TNS1: variants seen among roughly 807,000 people sequenced by gnomAD.
TNS1 encodes the protein tensin-1.
Under a neutral mutation model 168.6 loss-of-function variants are expected in TNS1, and 62 were observed. That is an observed-to-expected ratio of 0.37 (90% CI 0.30 to 0.45). The LOEUF is 0.45. Among genes scored for constraint, TNS1 ranks in the 20% least tolerant of loss-of-function variants. TNS1 has a pLI of 1.00. For missense variants in TNS1, 2,240 were observed against 2,339.4 expected, an observed-to-expected ratio of 0.96 and a Z score of 0.88; for synonymous variants, 934 against 933.2, an observed-to-expected ratio of 1.00 and a Z score of -0.02.
At chr2:217,881,662 A>T (rs1472394375) in intron 17 of TNS1, 1 of 152,416 alleles carries the variant, frequency 6.6e-6, no homozygotes, top group Admixed American at 6.5e-5. Context: ...GCAGCAAACC[A>T]CCATGGCACA....
In TNS1 at chr2:217,804,474, G is replaced by A. The variant is rs61742392; in HGVS notation, c.5505C>T (p.Ala1835=). Residue 1835 remains alanine, a synonymous_variant, in exon 33 of 33, where the codon GCC becomes GCT. Transcript: ENST00000682258. ...VNFVSKVMLN[A]GQKR Reference sequence around the variant, plus strand: ...GGGGCAGGGTTCATCTCTTTTGGCCGGCATTCAGCATGACCTTGGAGACGA... The same window carrying A: ...GGGGCAGGGTTCATCTCTTTTGGCCAGCATTCAGCATGACCTTGGAGACGA... 405 of 1,614,130 alleles carry A rather than the reference G, an allele frequency of 2.5e-4. 2 individuals carry two copies. The highest frequency in any genetic ancestry group is 2.9e-4 in the South Asian group (26 of 91,070).
At chr2:217,900,327 T>C in intron 7 of TNS1, 136 bp downstream of exon 7, 1 of 983,750 alleles carries the variant, frequency 1.0e-6, no homozygotes, top group Non-Finnish European at 1.5e-6. Flanking sequence ...TCCTGTGCCT[T>C]TCACGTTTGC....
chr2:217,981,751 T>G (rs1160535034), intron 2 of TNS1, among the ~76,000 whole-genome samples: 3 of 152,226 alleles, frequency 2.0e-5, no homozygotes, highest in African/African-American at 7.2e-5. Context: ...CCTATCCACC[T>G]GTCTCACATA....
intron 3 of TNS1, among the ~76,000 whole-genome samples, chr2:217,966,768 C>G (rs772398232): frequency 6.6e-6 from 1 of 152,196 alleles, no homozygotes; most frequent in Non-Finnish European, 1.5e-5. Context: ...CATGAAGTCA[C>G]AGCTGTGGGG....
At chr2:217,999,471 C>T (rs1340233741) in intron 1 of TNS1, among the ~76,000 whole-genome samples, 1 of 152,222 alleles carries the variant, frequency 6.6e-6, no homozygotes, top group Non-Finnish European at 1.5e-5. Flanking sequence ...GCATTGCACT[C>T]TCGGCCAGCA....
chr2:218,006,532 G>C (rs544323940), upstream of TNS1, among the ~76,000 whole-genome samples: 1 of 152,248 alleles, frequency 6.6e-6, no homozygotes, highest in Non-Finnish European at 1.5e-5. Context: ...GAAGGTAACA[G>C]AGCATTTTAA....
intron 17 of TNS1, chr2:217,881,345 G>C (rs1950665849): frequency 4.0e-6 from 1 of 250,340 alleles, no homozygotes. Flanking sequence ...TGGGGCTCCT[G>C]AGGCAGTGCC....
chr2:217,832,984 C>T (rs1016557401), intron 21 of TNS1, among the ~76,000 whole-genome samples: 11 of 152,156 alleles, frequency 7.2e-5, no homozygotes, highest in African/African-American at 1.9e-4. Flanking sequence ...TTTCTACCAC[C>T]GCCACACCCC....
chr2:217,935,651 T>G (rs1308960641), intron 3 of TNS1, among the ~76,000 whole-genome samples: 3 of 152,142 alleles, frequency 2.0e-5, no homozygotes, highest in Non-Finnish European at 4.4e-5. Flanking sequence ...CCCCTCCCAC[T>G]CTGGGCAGTT....
chr2:217,923,509 C>T (rs1191571100), intron 3 of TNS1, among the ~76,000 whole-genome samples: 2 of 152,164 alleles, frequency 1.3e-5, no homozygotes, highest in African/African-American at 4.8e-5. Flanking sequence ...CACATAGAGG[C>T]TAATGAGTTG....
At position 217,849,078 on chromosome 2, in the gene TNS1, C is replaced by T; in HGVS notation, c.1439G>A (p.Gly480Glu). 6.2e-7 allele frequency: 1 copy of T among 1,610,362 alleles called. No homozygotes were observed. Among genetic ancestry groups the T allele is most frequent in the Non-Finnish European group, 8.5e-7 (1 of 1,177,926 alleles). Residue 480 changes from glycine to glutamate, a missense_variant, in exon 19 of 33, where the codon GGA becomes GAA. Physicochemically the swap from Gly to Glu is moderately conservative, Grantham distance 98. Coordinates refer to ENST00000682258, the MANE Select transcript of TNS1 (RefSeq NM_001387777.1). ...HRDDGMEEVV[G>E]HTQGPLDGSL... is the part of the protein sequence containing the mutation. ...CCCATCTAGTGGCCCCTGCGTGTGT[C>T]CCACCACCTCTGCAAGGGACAGAGC...
chr2:217,858,166 A>G (rs1473663950), intron 18 of TNS1, among the ~76,000 whole-genome samples: 1 of 151,896 alleles, frequency 6.6e-6, no homozygotes, highest in Non-Finnish European at 1.5e-5. Context: ...CGCGCACAAG[A>G]CGAACCGTTA....
At position 217,813,155 on chromosome 2, in the gene TNS1, C is replaced by G; in HGVS notation, c.4954+60G>C. ...ACTTGGGGTCAGACCCCTGGAGGAA[C>G]CCAGGACAGGACCAAGACTCAGGCC... On this transcript the variant is annotated intron_variant, in intron 27 of 32. Transcript: ENST00000682258. This position sits in a 1 kb window ranked among gnomAD's most constrained non-coding sequence, Gnocchi z 4.0. 7.6e-7 allele frequency: 1 copy of G among 1,322,462 alleles called. No homozygotes were observed. The highest frequency in any genetic ancestry group is 1.1e-6 in the Non-Finnish European group (1 of 934,292). 81.9% of individuals were successfully genotyped at this position (1,322,462 alleles called of 1,614,324 possible). A position where few individuals can be genotyped will look rare whatever the true frequency, so the allele number is the denominator to read the frequency against.
At position 217,813,549 on chromosome 2, in the gene TNS1, G is replaced by T; in HGVS notation, c.4861+136C>A. 1 of 1,336,610 alleles carries T rather than the reference G, an allele frequency of 7.5e-7. No individual in the cohort carries two copies. The highest frequency in any genetic ancestry group is 1.0e-6 in the Non-Finnish European group (1 of 981,298). The allele number at this position is 1,336,610 out of a possible 1,614,324, so 82.8% of individuals were successfully genotyped here. On this transcript the variant is annotated intron_variant, in intron 26 of 32. Transcript: ENST00000682258. The surrounding 1 kb of genome is among the most constrained non-coding windows in gnomAD (Gnocchi z 4.0). ...AATCTCTGACCTCAACCATCACCAA[G>T]CCCAAGACACCCTCTTCCGAAGAGC...
At chr2:217,947,605 G>A (rs933339448) in intron 3 of TNS1, among the ~76,000 whole-genome samples, 12 of 152,260 alleles carry the variant, frequency 7.9e-5, no homozygotes, top group South Asian at 4.2e-4. Context: ...TGTGTGTGTC[G>A]GGGCCAGGTG....
intron 3 of TNS1, chr2:217,937,179 C>T (rs879679662): frequency 2.3e-5 from 5 of 216,838 alleles, no homozygotes; most frequent in Non-Finnish European, 3.8e-5. Context: ...ACTCTGTCTA[C>T]TCCCCTACTC....
chr2:217,893,095 A>G (rs1951901437), intron 10 of TNS1, 83 bp from the exon 11 acceptor site: 1 of 1,547,188 alleles, frequency 6.5e-7, no homozygotes, highest in East Asian at 2.3e-5. Flanking sequence ...CTTGGTGGAA[A>G]AGAGTCAGGG....
rs760699745 is a variant in TNS1, at chr2:217,847,550, C to G, written c.2967G>C (p.Glu989Asp). The G allele has an allele frequency of 1.4e-6, 2 of 1,477,564 alleles. No individual in the cohort carries two copies. 91.5% of individuals were successfully genotyped at this position (1,477,564 alleles called of 1,614,324 possible). A position where few individuals can be genotyped will look rare whatever the true frequency, so the allele number is the denominator to read the frequency against. ...TSDPSRTPEEEPLNLEGLVAH... is the reference protein window; with the variant it reads ...TSDPSRTPEEDPLNLEGLVAH... ...CCACCAGCCCTTCTAAATTCAATGG[C>G]TCCTCCTCTGGAGTCCGGGAGGGGT... The change falls in exon 19 of 33, where the codon GAG (glutamate) becomes GAC (aspartate). Residue 989 changes from glutamate (E) to aspartate (D), a missense_variant. Coordinates refer to ENST00000682258, the MANE Select transcript of TNS1 (RefSeq NM_001387777.1).
At chr2:217,911,394 G>A (rs145901189) in intron 4 of TNS1, among the ~76,000 whole-genome samples, 44 of 152,304 alleles carry the variant, frequency 2.9e-4, no homozygotes, top group African/African-American at 1.0e-3. Flanking sequence ...CAACATTTAA[G>A]AAGGCATTGC....
Sources: allele counts gnomAD v4.1 joint callset (sites outside exome capture counted in the v4.1 genomes callset), GRCh38; gene constraint gnomAD v4.1.1; non-coding constraint Gnocchi (gnomAD v3.1); transcripts MANE v1.5; gene names NCBI Gene and HGNC (gene_info 2026-07-23, HGNC 2026-07-21).